The following GRID2 variants were observed in gnomAD, a reference collection of about 807,000 sequenced individuals.
The protein encoded by GRID2 is glutamate receptor ionotropic, delta-2.
A neutral mutation model predicts 114.8 loss-of-function variants in GRID2; 33 were observed. That is an observed-to-expected ratio of 0.29 (90% CI 0.22 to 0.38). The LOEUF is 0.38. Among genes scored for constraint, GRID2 ranks in the 10% least tolerant of loss-of-function variants. The pLI, the probability that GRID2 is intolerant of heterozygous loss-of-function variation, is 1.00. For missense variants in GRID2, 1,184 were observed against 1,257.7 expected, an observed-to-expected ratio of 0.94 and a Z score of 0.89; for synonymous variants, 505 against 449.9, an observed-to-expected ratio of 1.12 and a Z score of -1.55.
chr4:92,968,089 C>T (rs1279519723), intron 2 of GRID2, among the ~76,000 whole-genome samples: 2 of 151,706 alleles, frequency 1.3e-5, no homozygotes, highest in Admixed American at 6.6e-5. Context: ...TATCAGTGCC[C>T]ACCTTGCATA....
intron 11 of GRID2, among the ~76,000 whole-genome samples, chr4:93,486,953 C>G (rs1726469450): frequency 6.6e-6 from 1 of 151,722 alleles, no homozygotes; most frequent in Non-Finnish European, 1.5e-5. Context: ...AGTAAGACCA[C>G]TGGCCTTACA....
intron 1 of GRID2, among the ~76,000 whole-genome samples, chr4:92,583,554 G>T (rs999577543): frequency 1.3e-5 from 2 of 151,722 alleles, no homozygotes; most frequent in African/African-American, 2.4e-5. Context: ...AACATATTAG[G>T]AAATGTTCTG....
chr4:93,484,186 G>A (rs1049373203), intron 11 of GRID2, among the ~76,000 whole-genome samples: 24 of 151,854 alleles, frequency 1.6e-4, no homozygotes, highest in African/African-American at 5.5e-4. Flanking sequence ...TACCAGCAAT[G>A]GTCCACCTGT....
intron 14 of GRID2, among the ~76,000 whole-genome samples, chr4:93,743,124 A>G (rs1280886695): frequency 6.6e-6 from 1 of 152,228 alleles, no homozygotes; most frequent in African/African-American, 2.4e-5. Context: ...ATTGGTCTGG[A>G]TAGAAGATCA....
Position 93,485,120 on chromosome 4 carries a change from G to T in GRID2, c.1859-5519G>T, listed in dbSNP as rs368151607. ...TCTTTTTATTTTAATCATTCTGGTG[G>T]CTGTGGAGTGGTATTTTTTTATTTT... On this transcript the variant is annotated intron_variant, in intron 11 of 15. Transcript: ENST00000282020. Among the ~76,000 whole-genome samples, 34 of 151,868 alleles carry T rather than the reference G, an allele frequency of 2.2e-4. 2 individuals are homozygous for T. The highest frequency in any genetic ancestry group is 7.7e-4 in the African/African-American group (32 of 41,486).
intron 14 of GRID2, among the ~76,000 whole-genome samples, chr4:93,725,931 G>A (rs567013038): frequency 5.3e-5 from 8 of 152,088 alleles, no homozygotes; most frequent in African/African-American, 1.9e-4. Flanking sequence ...CATTCTGTAG[G>A]TTGCCTGTTC....
chr4:93,590,175 T>G (rs897887962), intron 13 of GRID2, among the ~76,000 whole-genome samples: 3 of 150,850 alleles, frequency 2.0e-5, no homozygotes, highest in Admixed American at 6.6e-5. Context: ...TCTAGGGTTT[T>G]TATGGTTTTA....
chr4:93,438,765 T>C lies in GRID2; in HGVS notation c.1545+15797T>C, dbSNP rs554509830. ...GTTACATATGTATACATGTGCCATG[T>C]TGGTGTGCTGCACCCATTAACTTGT... On this transcript the variant is annotated intron_variant, in intron 10 of 15. Coordinates refer to ENST00000282020, the MANE Select transcript of GRID2 (RefSeq NM_001510.4). Among the ~76,000 whole-genome samples, 154 of 152,128 alleles carry C rather than the reference T, an allele frequency of 1.0e-3. 1 individual carries two copies. The highest frequency in any genetic ancestry group is 3.6e-3 in the African/African-American group (150 of 41,538).
chr4:92,740,705 TAG>T (rs1736841020), intron 2 of GRID2, among the ~76,000 whole-genome samples: 1 of 78,078 alleles, frequency 1.3e-5, no homozygotes, highest in Non-Finnish European at 2.9e-5. Flanking sequence ...GATAGATAGA[TAG>T]ATAGATAGAT....
chr4:93,014,136 T>G (rs1445233374), intron 2 of GRID2, among the ~76,000 whole-genome samples: 1 of 152,074 alleles, frequency 6.6e-6, no homozygotes, highest in East Asian at 1.9e-4. Context: ...GTGTTCTACA[T>G]GCTAAAGTGT....
At chr4:93,462,583 T>TA (rs1723852723) in intron 11 of GRID2, among the ~76,000 whole-genome samples, 1 of 152,176 alleles carries the variant, frequency 6.6e-6, no homozygotes, top group Non-Finnish European at 1.5e-5. Flanking sequence ...CACACTATTA[T>TA]ACAGAATCCA....
At chr4:93,225,988 A>G (rs1745442573) in intron 7 of GRID2, among the ~76,000 whole-genome samples, 1 of 152,104 alleles carries the variant, frequency 6.6e-6, no homozygotes, top group Non-Finnish European at 1.5e-5. Context: ...ATCCACTCCC[A>G]TTATATGGGC....
intron 2 of GRID2, among the ~76,000 whole-genome samples, chr4:92,768,522 T>A (rs374979924): frequency 1.1e-4 from 16 of 152,192 alleles, no homozygotes; most frequent in African/African-American, 3.6e-4. Flanking sequence ...AGCAAATTAG[T>A]TATAGCAGTG....
intron 5 of GRID2, among the ~76,000 whole-genome samples, chr4:93,214,694 C>T (rs1199133620): frequency 6.6e-6 from 1 of 151,996 alleles, no homozygotes; most frequent in Non-Finnish European, 1.5e-5. Flanking sequence ...TGCCTGAGAA[C>T]TTCATCTTTG....
intron 2 of GRID2, among the ~76,000 whole-genome samples, chr4:92,595,504 CG>C (rs898643978): frequency 6.2e-4 from 95 of 152,032 alleles, no homozygotes; most frequent in African/African-American, 2.2e-3. Flanking sequence ...GTAGACCTTA[CG>C]ACTACTTCTT....
chr4:93,544,575 C>T (rs948720054), intron 13 of GRID2, among the ~76,000 whole-genome samples: 4 of 151,714 alleles, frequency 2.6e-5, no homozygotes, highest in African/African-American at 4.8e-5. Context: ...GTCGGGAGTT[C>T]GAGACCAGCC....
chr4:93,660,577 C>A (rs1272336181), intron 14 of GRID2, among the ~76,000 whole-genome samples: 1 of 142,974 alleles, frequency 7.0e-6, no homozygotes, highest in African/African-American at 2.8e-5. Flanking sequence ...CCTCCCTCCC[C>A]CACAACATGT....
intron 11 of GRID2, among the ~76,000 whole-genome samples, chr4:93,488,651 C>G (rs1726653000): frequency 6.6e-6 from 1 of 151,700 alleles, no homozygotes; most frequent in South Asian, 2.1e-4. Context: ...ATAATATTGC[C>G]ATAAAAAATA....
At chr4:92,509,874 G>T (rs529436549) in intron 1 of GRID2, among the ~76,000 whole-genome samples, 46 of 151,994 alleles carry the variant, frequency 3.0e-4, no homozygotes, top group South Asian at 6.2e-4. Flanking sequence ...GCAGAAAAAT[G>T]TGCATTCCAA....
Sources: allele counts gnomAD v4.1 joint callset (sites outside exome capture counted in the v4.1 genomes callset), GRCh38; gene constraint gnomAD v4.1.1; transcripts MANE v1.5; gene names NCBI Gene and HGNC (gene_info 2026-07-23, HGNC 2026-07-21).